The following RBFOX2 variants were observed in gnomAD, a reference collection of about 807,000 sequenced individuals.
RBFOX2 encodes the protein RNA binding protein fox-1 homolog 2.
RBFOX2 carries 10 observed loss-of-function variants against 49.1 expected under a neutral mutation model. The observed-to-expected ratio is 0.20, with a 90% confidence interval of 0.13 to 0.35. The LOEUF is 0.35. Among genes scored for constraint, RBFOX2 ranks in the 10% least tolerant of loss-of-function variants. The pLI is 1.00. For missense variants in RBFOX2, 323 were observed against 486.9 expected, an observed-to-expected ratio of 0.66 and a Z score of 3.17; for synonymous variants, 183 against 187.4, an observed-to-expected ratio of 0.98 and a Z score of 0.19.
chr22:35,786,682 T>C (rs1224252946), intron 2 of RBFOX2, among the ~76,000 whole-genome samples: 1 of 152,162 alleles, frequency 6.6e-6, no homozygotes, highest in Non-Finnish European at 1.5e-5. Flanking sequence ...TATTGTACTT[T>C]ACATATATTA....
chr22:35,893,448 T>G (rs1392089444), intron 1 of RBFOX2, among the ~76,000 whole-genome samples: 3 of 152,232 alleles, frequency 2.0e-5, no homozygotes, highest in South Asian at 4.1e-4. Context: ...TTGCTTCCTT[T>G]CATAACTCCT....
At position 35,747,744 on chromosome 22, in the gene RBFOX2, C is replaced by A. The variant is rs139662352; in HGVS notation, c.888-1183G>T. On this transcript the variant is annotated intron_variant, in intron 9 of 11. Coordinates refer to ENST00000405409, the Ensembl canonical transcript of RBFOX2. ...AAACAACTATGTTCAACTGGCCCAA[C>A]TGAACATCATTTCAGTAGTGAACAA... 7.2e-5 allele frequency: 11 copies of A among 152,338 alleles called. No individual in the cohort carries two copies. The East Asian group carries it at 1.2e-3, about 16-fold the overall frequency. 9.4% of individuals were successfully genotyped at this position (152,338 alleles called of 1,614,324 possible).
intron 1 of RBFOX2, among the ~76,000 whole-genome samples, chr22:35,912,519 G>A (rs1277014613): frequency 1.3e-5 from 2 of 152,132 alleles, no homozygotes; most frequent in Non-Finnish European, 2.9e-5. Context: ...AAGCTCTCCA[G>A]TACCTGAGGA....
intron 1 of RBFOX2, among the ~76,000 whole-genome samples, chr22:35,883,457 C>G (rs868480826): frequency 6.6e-6 from 1 of 152,198 alleles, no homozygotes; most frequent in East Asian, 1.9e-4. Context: ...CAGGTCTTAA[C>G]AGCAGGCTTT....
chr22:35,947,171 G>A (rs1334804909), intron 1 of RBFOX2, among the ~76,000 whole-genome samples: 7 of 151,752 alleles, frequency 4.6e-5, no homozygotes, highest in Admixed American at 1.3e-4. Flanking sequence ...CAGCCTGGGC[G>A]ACAGAGCAAA....
chr22:35,915,761 G>A (rs938076800), intron 1 of RBFOX2, among the ~76,000 whole-genome samples: 1 of 152,118 alleles, frequency 6.6e-6, no homozygotes, highest in Non-Finnish European at 1.5e-5. Flanking sequence ...CACCAGAAAC[G>A]AGGAGTAAGC....
chr22:35,989,644 T>C (rs1047392638), intron 1 of RBFOX2, among the ~76,000 whole-genome samples: 3 of 151,770 alleles, frequency 2.0e-5, no homozygotes, highest in African/African-American at 7.3e-5. Context: ...TGTTTAAAGT[T>C]GATGAAAAAA....
At chr22:35,752,020 A>G (rs562503469) in intron 9 of RBFOX2, among the ~76,000 whole-genome samples, 3 of 152,296 alleles carry the variant, frequency 2.0e-5, no homozygotes, top group African/African-American at 7.2e-5. Context: ...CAAGTATGCT[A>G]TTATCCAAAT....
intron 1 of RBFOX2, among the ~76,000 whole-genome samples, chr22:35,847,577 T>G (rs2041375616): frequency 6.6e-6 from 1 of 152,116 alleles, no homozygotes; most frequent in Non-Finnish European, 1.5e-5. Context: ...CATTTATAAA[T>G]GCACTGAAAA....
chr22:35,812,251 G>C lies in RBFOX2; in HGVS notation c.28-2247C>G, dbSNP rs545303706. Reference sequence around the variant, plus strand: ...AACTCTAGCCCGGGCAACAGAGTGAGTGAGACTCCATCTCAAAAGATAGAA... The same window carrying C: ...AACTCTAGCCCGGGCAACAGAGTGACTGAGACTCCATCTCAAAAGATAGAA... On this transcript the variant is annotated intron_variant, in intron 1 of 11. Transcript: ENST00000405409. Among the ~76,000 whole-genome samples the C allele has an allele frequency of 6.2e-4, 94 of 150,890 alleles. 1 individual carries two copies.
chr22:35,750,313 GA>G, intron 9 of RBFOX2: 1 of 642,218 alleles, frequency 1.6e-6, no homozygotes, highest in East Asian at 2.8e-5. Context: ...TTGGAGATAT[GA>G]AGTCATGAAA....
chr22:35,868,489 C>T (rs932345448), intron 1 of RBFOX2, among the ~76,000 whole-genome samples: 3 of 152,094 alleles, frequency 2.0e-5, no homozygotes, highest in Non-Finnish European at 4.4e-5. Flanking sequence ...GTGGCTGACA[C>T]CTGTAATCCT....
chr22:35,850,711 G>A (rs1316518324), intron 1 of RBFOX2, among the ~76,000 whole-genome samples: 1 of 152,152 alleles, frequency 6.6e-6, no homozygotes, highest in Non-Finnish European at 1.5e-5. Flanking sequence ...ACATGGACAG[G>A]TGTTAGGTTT....
exon 12 of RBFOX2, chr22:35,743,987 G>T: frequency 2.4e-6 from 1 of 421,446 alleles, no homozygotes; most frequent in Non-Finnish European, 4.1e-6. Flanking sequence ...ACAATCTTTG[G>T]AACAAAAGAA....
chr22:35,947,978 A>G (rs1355624339), intron 1 of RBFOX2, among the ~76,000 whole-genome samples: 1 of 152,206 alleles, frequency 6.6e-6, no homozygotes, highest in Non-Finnish European at 1.5e-5. Context: ...ACATCCACTC[A>G]CACTCACTCA....
intron 1 of RBFOX2, chr22:36,000,201 A>T (rs2058358819): frequency 6.6e-6 from 1 of 152,068 alleles, no homozygotes; most frequent in South Asian, 2.1e-4. Flanking sequence ...GGGTTTCGCC[A>T]TGTTGGCCAG....
intron 1 of RBFOX2, among the ~76,000 whole-genome samples, chr22:35,853,479 A>C (rs551713578): frequency 6.6e-6 from 1 of 152,130 alleles, no homozygotes; most frequent in Non-Finnish European, 1.5e-5. Flanking sequence ...GAAAAAACTA[A>C]AAAATTTATT....
intron 2 of RBFOX2, among the ~76,000 whole-genome samples, chr22:35,807,059 C>T (rs1023639126): frequency 1.4e-4 from 21 of 152,210 alleles, no homozygotes; most frequent in African/African-American, 2.4e-4. Context: ...CTGCCTCGGC[C>T]TCCCAAAGTG....
chr22:35,852,663 C>T (rs902126811), intron 1 of RBFOX2, among the ~76,000 whole-genome samples: 1 of 152,102 alleles, frequency 6.6e-6, no homozygotes, highest in Non-Finnish European at 1.5e-5. Context: ...TCTTAAATCA[C>T]TATTAAATCT....
Sources: gnomAD v4.1 joint callset for allele counts (sites outside exome capture counted in the v4.1 genomes callset) on GRCh38, gnomAD v4.1.1 for gene constraint, MANE v1.5 for transcripts, NCBI Gene and HGNC (gene_info 2026-07-23, HGNC 2026-07-21) for gene names.